PSMC6: variants seen among roughly 807,000 people sequenced by gnomAD.
PSMC6 encodes proteasome 26S subunit, ATPase 6.
In PSMC6, 3 loss-of-function variants were observed where a neutral mutation model predicts 55.9. The ratio of observed to expected loss-of-function variants is 0.05; its 90% CI spans 0.02 to 0.14. PSMC6 has a LOEUF of 0.14. Ranked by LOEUF, PSMC6 falls within the 10% of genes least tolerant of loss-of-function variation. The pLI is 1.00. For synonymous variants in PSMC6, 137 were observed against 155.9 expected (o/e 0.88, Z 0.90); for missense variants, 210 against 478.7 (o/e 0.44, Z 5.24).
intron 3 of PSMC6, 82 bp downstream of exon 3, chr14:52,708,604 C>A: frequency 6.5e-7 from 1 of 1,534,870 alleles, no homozygotes; most frequent in Non-Finnish European, 8.9e-7. Flanking sequence ...ATTTTAATGA[C>A]AATAATGCAG....
At chr14:52,715,047 C>G (rs1442192648) in intron 7 of PSMC6, among the ~76,000 whole-genome samples, 1 of 151,706 alleles carries the variant, frequency 6.6e-6, no homozygotes, top group East Asian at 1.9e-4. Flanking sequence ...AAATTACTTG[C>G]ACTGTAGTGT....
intron 4 of PSMC6, 92 bp from the exon 5 acceptor site, chr14:52,711,009 A>G: frequency 1.5e-6 from 1 of 666,272 alleles, no homozygotes; most frequent in Non-Finnish European, 2.6e-6. Flanking sequence ...GGAGGGTAAA[A>G]ATGAGTGTTT....
chr14:52,726,966 A>G (rs1017764477), intron 13 of PSMC6, among the ~76,000 whole-genome samples: 1 of 149,652 alleles, frequency 6.7e-6, no homozygotes, highest in African/African-American at 2.5e-5. Flanking sequence ...AAATATTCAT[A>G]TAATGGTCAT....
chr14:52,711,582 A>G, intron 6 of PSMC6, 58 bp downstream of exon 6: 1 of 1,198,012 alleles, frequency 8.3e-7, no homozygotes. Flanking sequence ...TAGTTTTAGG[A>G]TTCTTAACAG....
chr14:52,716,858 A>G (rs891535224), intron 7 of PSMC6, among the ~76,000 whole-genome samples: 2 of 152,242 alleles, frequency 1.3e-5, no homozygotes, highest in African/African-American at 4.8e-5. Flanking sequence ...AATCTAGAGG[A>G]TGTTATACTA....
chr14:52,724,155 T>A (rs1377048337), intron 13 of PSMC6, 119 bp downstream of exon 13: 3 of 869,214 alleles, frequency 3.5e-6, no homozygotes, highest in Non-Finnish European at 5.3e-6. Context: ...CATGCTGTTC[T>A]TTTAGGAATC....
chr14:52,723,204 G>A (rs1434599426), intron 12 of PSMC6: 1 of 152,270 alleles, frequency 6.6e-6, no homozygotes, highest in Non-Finnish European at 1.5e-5. Context: ...GACAATTCAT[G>A]AATATATGTG....
chr14:52,714,186 G>GTGC (rs755734231), intron 7 of PSMC6, among the ~76,000 whole-genome samples: 1 of 152,096 alleles, frequency 6.6e-6, no homozygotes, highest in Non-Finnish European at 1.5e-5. Context: ...GACTGCAGGC[G>GTGC]TGCATCACCA....
rs555107185 is a variant in PSMC6, at chr14:52,713,952, G to A, written c.513G>A (p.Leu171=). Residue 171 remains leucine (L), a synonymous_variant, in exon 7 of 14, where the codon TTG becomes TTA. Transcript: ENST00000445930. ...RVGIIPPKGC[L]LYGPPGTGKT... Reference sequence around the variant, plus strand: ...GAATAATACCTCCAAAAGGCTGTTTGTTATATGGACCACCAGGTTGGTATT... The same window carrying A: ...GAATAATACCTCCAAAAGGCTGTTTATTATATGGACCACCAGGTTGGTATT... 1.3e-6 allele frequency: 2 copies of A among 1,580,666 alleles called. No homozygotes were observed. The highest frequency in any genetic ancestry group is 2.3e-5 in the East Asian group (1 of 44,086).
intron 10 of PSMC6, among the ~76,000 whole-genome samples, chr14:52,720,367 CA>C (rs71444775): frequency 8.1e-3 from 336 of 41,404 alleles, no homozygotes; most frequent in Admixed American, 0.056. Context: ...AACTCTGTCT[CA>C]AAAAAAAAAA....
In PSMC6 at chr14:52,728,050, A is replaced by G. The variant is rs1376578359; in HGVS notation, c.*433A>G. On this transcript the variant is annotated 3_prime_UTR_variant, in exon 14 of 14. Transcript: ENST00000445930. ...ACTGTGGTCCTTTAGGTTCTTTAGC[A>G]AGTAAACTATTTGATAACCCAGATG... 6.4e-6 allele frequency: 1 copy of G among 155,856 alleles called. No homozygotes were observed. Among genetic ancestry groups the G allele is most frequent in the Admixed American group, 6.4e-5 (1 of 15,638 alleles). The allele number at this position is 155,856 out of a possible 1,614,324, so 9.7% of individuals were successfully genotyped here.
At chr14:52,725,497 C>T (rs917526603) in intron 13 of PSMC6, among the ~76,000 whole-genome samples, 2 of 152,156 alleles carry the variant, frequency 1.3e-5, no homozygotes, top group African/African-American at 4.8e-5. Flanking sequence ...CTGTTCAGGT[C>T]CTGACATTAT....
intron 9 of PSMC6, chr14:52,718,568 C>A: frequency 2.1e-6 from 1 of 486,816 alleles, no homozygotes; most frequent in Non-Finnish European, 3.6e-6. Context: ...GTGGGCAGAT[C>A]ACCAGGTCAG....
Position 52,708,385 on chromosome 14 carries a change from G to A in PSMC6, c.162G>A (p.Gly54=), listed in dbSNP as rs2041728010. The A allele has an allele frequency of 3.1e-6, 5 of 1,613,516 alleles. No individual in the cohort carries two copies. Among genetic ancestry groups the A allele is most frequent in the African/African-American group, 1.3e-5 (1 of 75,026 alleles). Residue 54 remains glycine, a synonymous_variant, in exon 2 of 14, where the codon GGG becomes GGA. Transcript: ENST00000445930. ...ATCTGAAGGCCCTACAGAGTGTTGGGCAGGTAGGTGATGGAGTTTGGGGAA... is the reference window on the plus strand; with the variant it reads ...ATCTGAAGGCCCTACAGAGTGTTGGACAGGTAGGTGATGGAGTTTGGGGAA... The part of the protein sequence containing the change: ...ENDLKALQSV[G]QIVGEVLKQL...
chr14:52,716,745 C>T (rs1443056172), intron 7 of PSMC6, among the ~76,000 whole-genome samples: 1 of 151,594 alleles, frequency 6.6e-6, no homozygotes, highest in Non-Finnish European at 1.5e-5. Context: ...AAGAGTGAAA[C>T]TCCATCTCAA....
At chr14:52,713,475 A>G (rs970794563) in intron 6 of PSMC6, among the ~76,000 whole-genome samples, 3 of 152,190 alleles carry the variant, frequency 2.0e-5, no homozygotes, top group Non-Finnish European at 2.9e-5. Context: ...AATGCAAACT[A>G]GTATAGATCT....
At chr14:52,716,494 C>T (rs901220400) in intron 7 of PSMC6, among the ~76,000 whole-genome samples, 1 of 152,150 alleles carries the variant, frequency 6.6e-6, no homozygotes, top group South Asian at 2.1e-4. Context: ...TGGCTCATAC[C>T]TGTAGTGCCA....
intron 7 of PSMC6, 71 bp downstream of exon 7, chr14:52,714,039 T>C (rs1227358180): frequency 9.3e-7 from 1 of 1,069,918 alleles, no homozygotes. Context: ...AAAAGACAAT[T>C]TTTTTATTTT....
At position 52,728,095 on chromosome 14, in the gene PSMC6, T is replaced by C. The variant is rs1397843484; in HGVS notation, c.*478T>C. ...CAGATGGATTGTGGATTTTTGAATA[T>C]TATTTTAAAATAGTACACATACTTA... is the stretch of plus-strand genomic sequence containing the variant. On this transcript the variant is annotated 3_prime_UTR_variant, in exon 14 of 14. Transcript: ENST00000445930. 6.4e-6 allele frequency: 1 copy of C among 155,118 alleles called. No individual in the cohort carries two copies. The highest frequency in any genetic ancestry group is 6.4e-5 in the Admixed American group (1 of 15,596). The allele number at this position is 155,118 out of a possible 1,614,324, so 9.6% of individuals were successfully genotyped here.
Sources: allele counts gnomAD v4.1 joint callset (sites outside exome capture counted in the v4.1 genomes callset), GRCh38; gene constraint gnomAD v4.1.1; transcripts MANE v1.5; gene names NCBI Gene and HGNC (gene_info 2026-07-23, HGNC 2026-07-21).